The following KPNA7 variants were observed in gnomAD, a reference collection of about 807,000 sequenced individuals.
The protein encoded by KPNA7 is karyopherin subunit alpha 7, also known as importin subunit alpha-8.
KPNA7 carries 54 observed loss-of-function variants against 53.7 expected under a neutral mutation model. The observed-to-expected ratio is 1.01, with a 90% CI of 0.81 to 1.26. KPNA7 has a LOEUF of 1.26. Ranked by LOEUF, KPNA7 falls within the 50% of genes most tolerant of loss-of-function variation. KPNA7 has a pLI of 0.00. For synonymous variants in KPNA7, 276 were observed against 259.3 expected (o/e 1.06, Z -0.62); for missense variants, 640 against 644.5 (o/e 0.99, Z 0.07).
At chr7:99,207,619 T>G in intron 1 of KPNA7, 130 bp from the exon 2 acceptor site, 1 of 85,728 alleles carries the variant, frequency 1.2e-5, no homozygotes, top group Non-Finnish European at 2.2e-5. Context: ...CTAGCTTTTT[T>G]TTTTTTTTTT....
At chr7:99,169,041 A>G (rs557240538), downstream of KPNA7, among the ~76,000 whole-genome samples, 53 of 152,114 alleles carry the variant, frequency 3.5e-4, 1 homozygote, top group East Asian at 9.3e-3. Context: ...TACAAAAATT[A>G]CCTGGCCGTG....
chr7:99,171,462 G>C (rs759554482), downstream of KPNA7, among the ~76,000 whole-genome samples: 1 of 152,160 alleles, frequency 6.6e-6, no homozygotes, highest in Non-Finnish European at 1.5e-5. Context: ...TTGTTTTGGA[G>C]ATGGGGTCTC....
chr7:99,182,413 T>G (rs34370403), intron 8 of KPNA7, among the ~76,000 whole-genome samples: 15,182 of 152,084 alleles, frequency 0.1, 893 homozygotes, highest in African/African-American at 0.16. Flanking sequence ...GGCCAGGATG[T>G]TCTCGATCTC....
chr7:99,186,108 G>A (rs142074220), intron 7 of KPNA7, among the ~76,000 whole-genome samples: 32 of 152,188 alleles, frequency 2.1e-4, no homozygotes, highest in East Asian at 3.9e-4. Flanking sequence ...ACTCTTTATC[G>A]TATAATGACT....
At chr7:99,177,398 C>G (rs1220261282) in intron 10 of KPNA7, among the ~76,000 whole-genome samples, 1 of 151,978 alleles carries the variant, frequency 6.6e-6, no homozygotes, top group East Asian at 1.9e-4. Flanking sequence ...GCCTGGCTAA[C>G]ACAGGGAAAC....
chr7:99,164,270 AAATGT>A, the KPNA7 span, among the ~76,000 whole-genome samples: 2 of 151,924 alleles, frequency 1.3e-5, no homozygotes, highest in African/African-American at 4.8e-5. Flanking sequence ...TGGATTAAGA[AAATGT>A]GGCACATATA....
downstream of KPNA7, among the ~76,000 whole-genome samples, chr7:99,171,110 C>G (rs376637564): frequency 5.3e-5 from 8 of 152,306 alleles, no homozygotes; most frequent in South Asian, 1.7e-3. Context: ...ATCCCAGCTA[C>G]TCGGGAGGCT....
intron 3 of KPNA7, among the ~76,000 whole-genome samples, chr7:99,201,694 A>G (rs910085041): frequency 6.6e-6 from 1 of 151,142 alleles, no homozygotes; most frequent in Non-Finnish European, 1.5e-5. Context: ...GACCAAAAGA[A>G]AAACAACTTT....
At chr7:99,195,508 C>T (rs1253588362) in intron 4 of KPNA7, among the ~76,000 whole-genome samples, 170 bp from the exon 5 acceptor site, 1 of 151,998 alleles carries the variant, frequency 6.6e-6, no homozygotes, top group African/African-American at 2.4e-5. Context: ...ACCAGCCTGG[C>T]CAACATGGTG....
At chr7:99,173,072 AAAAAAAAAAAAAG>A (rs1798799556), downstream of KPNA7, among the ~76,000 whole-genome samples, 1 of 151,242 alleles carries the variant, frequency 6.6e-6, no homozygotes, top group Non-Finnish European at 1.5e-5. Context: ...CAAAAAAAAA[AAAAAAAAAAAAAG>A]AAAAAGAAAA....
chr7:99,212,142 A>G (rs1454001069), upstream of KPNA7, among the ~76,000 whole-genome samples: 1 of 151,036 alleles, frequency 6.6e-6, no homozygotes, highest in African/African-American at 2.4e-5. Flanking sequence ...AGAACTCAGT[A>G]TACCTGGGAA....
chr7:99,168,266 C>G, the KPNA7 span, among the ~76,000 whole-genome samples: 1 of 152,198 alleles, frequency 6.6e-6, no homozygotes, highest in Non-Finnish European at 1.5e-5. Context: ...TACTTAGGTC[C>G]TACCCCCCAG....
In KPNA7 at chr7:99,173,886, C is replaced by T. The variant is rs937280194; in HGVS notation, c.1465-92G>A. On this transcript the variant is annotated intron_variant, in intron 10 of 10. Transcript: ENST00000327442. ...AAGATGCACCTTGTAACAAAATTGA[C>T]CCTCTTAACCATGTTTAAGCAGGTA... 1.1e-5 allele frequency: 8 copies of T among 743,506 alleles called. No individual in the cohort carries two copies. In the African/African-American group the frequency reaches 1.4e-4, roughly 13 times the overall value. The allele number at this position is 743,506 out of a possible 1,614,324, so 46.1% of individuals were successfully genotyped here.
chr7:99,181,243 GTCTCTA>G (rs1250889432), intron 9 of KPNA7, among the ~76,000 whole-genome samples: 2 of 151,382 alleles, frequency 1.3e-5, no homozygotes, highest in Non-Finnish European at 2.9e-5. Flanking sequence ...CTCTGTCTCT[GTCTCTA>G]TAAAGACAGC....
intron 1 of KPNA7, among the ~76,000 whole-genome samples, 102 bp downstream of exon 1, chr7:99,207,926 T>G (rs71567533): frequency 0.065 from 9,272 of 141,712 alleles, 321 homozygotes; most frequent in South Asian, 0.16. Context: ...GAGCCACCGC[T>G]CCCAGCCAGC....
At chr7:99,190,542 T>C (rs1789890743) in intron 6 of KPNA7, among the ~76,000 whole-genome samples, 1 of 152,144 alleles carries the variant, frequency 6.6e-6, no homozygotes. Flanking sequence ...GAAAACTTTT[T>C]CGGTAAAGGG....
At chr7:99,182,822 G>A (rs1410104244) in intron 8 of KPNA7, among the ~76,000 whole-genome samples, 1 of 152,094 alleles carries the variant, frequency 6.6e-6, no homozygotes, top group African/African-American at 2.4e-5. Context: ...TATGCTTGGG[G>A]TTTTAGATGA....
In KPNA7 at chr7:99,182,057, A is replaced by T; in HGVS notation, c.1143T>A (p.Phe381Leu). ...TCCAGACAGCCTCTTTCTGGACTTTAAATTCTCCCTGCAGAACAAGAATGT... is the reference window on the plus strand; with the variant it reads ...TCCAGACAGCCTCTTTCTGGACTTTTAATTCTCCCTGCAGAACAAGAATGT... ...PLVALLKNGE[F>L]KVQKEAVWMV... Residue 381 changes from phenylalanine (F) to leucine (L), a missense_variant, in exon 9 of 11, where the codon TTT becomes TTA. Phe to Leu is a conservative substitution (Grantham distance 22, BLOSUM62 0). Transcript: ENST00000327442. 1 of 1,533,746 alleles carries T rather than the reference A, an allele frequency of 6.5e-7. No homozygotes were observed. The highest frequency in any genetic ancestry group is 1.2e-5 in the South Asian group (1 of 82,806).
chr7:99,157,520 CTT>C, the KPNA7 span, among the ~76,000 whole-genome samples: 2 of 152,146 alleles, frequency 1.3e-5, no homozygotes, highest in Admixed American at 6.6e-5. Flanking sequence ...CGATTTTCTT[CTT>C]GTGTCTGATC....
Sources: gnomAD v4.1 joint callset for allele counts (sites outside exome capture counted in the v4.1 genomes callset) on GRCh38, gnomAD v4.1.1 for gene constraint, MANE v1.5 for transcripts, NCBI Gene and HGNC (gene_info 2026-07-23, HGNC 2026-07-21) for gene names.